Variants in XPO6 observed in about 807,000 individuals in gnomAD.
XPO6 encodes exportin-6.
Under a neutral mutation model 130.0 loss-of-function variants are expected in XPO6, and 3 were observed. The ratio of observed to expected loss-of-function variants is 0.02; its 90% CI spans 0.01 to 0.06. The LOEUF (loss-of-function observed/expected upper bound fraction) is 0.06, where lower values mean the gene tolerates loss of function less well. Among genes scored for constraint, XPO6 ranks in the 10% least tolerant of loss-of-function variants. The pLI, the probability that XPO6 is intolerant of heterozygous loss-of-function variation, is 1.00. For missense variants in XPO6, 970 were observed against 1,393.0 expected (o/e 0.70, Z 4.83); for synonymous variants, 524 against 548.9 (o/e 0.95, Z 0.63).
At chr16:28,152,436 G>A (rs2043111695) in intron 8 of XPO6, among the ~76,000 whole-genome samples, 1 of 152,210 alleles carries the variant, frequency 6.6e-6, no homozygotes, top group Non-Finnish European at 1.5e-5. Flanking sequence ...CTCTAAGCAA[G>A]TTACTCTTTG....
At chr16:28,115,422 G>T (rs2141254125) in intron 15 of XPO6, among the ~76,000 whole-genome samples, 1 of 152,274 alleles carries the variant, frequency 6.6e-6, no homozygotes, top group Non-Finnish European at 1.5e-5. Context: ...TGAGTCCTTA[G>T]GTAACCAGGT....
chr16:28,116,436 C>T (rs868116919), intron 15 of XPO6, among the ~76,000 whole-genome samples: 7 of 149,398 alleles, frequency 4.7e-5, no homozygotes, highest in Non-Finnish European at 7.4e-5. Context: ...CACTCCAGCC[C>T]GGGCGACAGA....
At chr16:28,175,821 C>A (rs761181265) in intron 4 of XPO6, 77 bp downstream of exon 4, 35 of 1,365,018 alleles carry the variant, frequency 2.6e-5, no homozygotes, top group Non-Finnish European at 3.1e-5. Flanking sequence ...TCTTAAAAGT[C>A]CTCTTCAGGA....
At chr16:28,133,638 C>A (rs2042718888) in intron 11 of XPO6, among the ~76,000 whole-genome samples, 1 of 152,102 alleles carries the variant, frequency 6.6e-6, no homozygotes, top group Non-Finnish European at 1.5e-5. Context: ...CAAGACTAAA[C>A]AAGGTTCCAA....
At chr16:28,177,712 C>T (rs1328999152) in intron 2 of XPO6, among the ~76,000 whole-genome samples, 2 of 152,178 alleles carry the variant, frequency 1.3e-5, no homozygotes, top group African/African-American at 2.4e-5. Context: ...TCTAGGGCCT[C>T]GCCATTCCTC....
intron 5 of XPO6, among the ~76,000 whole-genome samples, chr16:28,168,615 TTA>T (rs2043396827): frequency 6.6e-6 from 1 of 151,238 alleles, no homozygotes; most frequent in African/African-American, 2.4e-5. Context: ...TTTTTTTTTT[TTA>T]AAGAGACAGG....
At chr16:28,193,051 T>C (rs1416635963) in intron 1 of XPO6, among the ~76,000 whole-genome samples, 2 of 152,138 alleles carry the variant, frequency 1.3e-5, no homozygotes, top group African/African-American at 4.8e-5. Context: ...TCACTGTAAG[T>C]TCTTCTTACG....
intron 1 of XPO6, among the ~76,000 whole-genome samples, chr16:28,199,136 G>A (rs900247627): frequency 3.9e-5 from 6 of 152,008 alleles, no homozygotes; most frequent in African/African-American, 7.2e-5. Context: ...GTGAAACTCC[G>A]TCTCAAAAAA....
At chr16:28,125,189 C>T (rs990393908) in intron 13 of XPO6, among the ~76,000 whole-genome samples, 8 of 152,136 alleles carry the variant, frequency 5.3e-5, no homozygotes, top group African/African-American at 1.9e-4. Flanking sequence ...CTTTCACTCC[C>T]GAGGCCCTAA....
chr16:28,143,675 C>T (rs893839061), intron 9 of XPO6, among the ~76,000 whole-genome samples: 2 of 152,150 alleles, frequency 1.3e-5, no homozygotes, highest in Admixed American at 6.6e-5. Context: ...CTCATTCTGT[C>T]GCCTAGGCTG....
chr16:28,119,247 G>A (rs1246128475), intron 14 of XPO6, among the ~76,000 whole-genome samples: 2 of 149,044 alleles, frequency 1.3e-5, no homozygotes, highest in Non-Finnish European at 3.0e-5. Context: ...TCAAACTCCT[G>A]GGCTCAAGCG....
intron 1 of XPO6, among the ~76,000 whole-genome samples, chr16:28,196,283 T>A (rs1280437387): frequency 1.3e-5 from 2 of 152,220 alleles, no homozygotes; most frequent in Non-Finnish European, 2.9e-5. Flanking sequence ...TTTTACTTAA[T>A]CTATGTCATC....
chr16:28,099,067 A>T (rs546366369), intron 23 of XPO6, among the ~76,000 whole-genome samples: 56 of 152,302 alleles, frequency 3.7e-4, no homozygotes, highest in African/African-American at 1.2e-3. Flanking sequence ...CTGTGGTGAC[A>T]GCCCTCTTCT....
intron 1 of XPO6, among the ~76,000 whole-genome samples, chr16:28,207,816 CAG>C (rs2044057706): frequency 1.3e-5 from 2 of 152,178 alleles, no homozygotes; most frequent in Admixed American, 1.3e-4. Context: ...TGGAACCTAG[CAG>C]AGTTGGTGGG....
chr16:28,156,637 A>T, intron 6 of XPO6, 110 bp from the exon 7 acceptor site: 2 of 626,300 alleles, frequency 3.2e-6, no homozygotes, highest in Non-Finnish European at 4.8e-6. Context: ...TATATGTATC[A>T]GTTTAGTTAC....
At position 28,137,113 on chromosome 16, in the gene XPO6, T is replaced by C. The variant is rs1302567331; in HGVS notation, c.1335-1789A>G. ...CAGCTTCATTCCACATTCCCAGAAC[T>C]AGTATCGTGCACCCTCAGAGGTGGA... On this transcript the variant is annotated intron_variant, in intron 9 of 23. Coordinates refer to ENST00000304658, the MANE Select transcript of XPO6 (RefSeq NM_015171.4). Among the ~76,000 whole-genome samples the C allele has an allele frequency of 3.3e-5, 5 of 152,206 alleles. No individual in the cohort carries two copies. The East Asian group carries it at 9.6e-4, about 29-fold the overall frequency.
intron 6 of XPO6, among the ~76,000 whole-genome samples, chr16:28,163,469 C>T (rs1277028892): frequency 6.6e-6 from 1 of 152,224 alleles, no homozygotes; most frequent in African/African-American, 2.4e-5. Flanking sequence ...CTCAGAATTG[C>T]TGTAGTCACA....
intron 23 of XPO6, among the ~76,000 whole-genome samples, chr16:28,100,009 A>G (rs574390289): frequency 1.5e-4 from 23 of 151,578 alleles, no homozygotes; most frequent in African/African-American, 5.3e-4. Context: ...TTTTTTTGAG[A>G]CAAAGTCCCA....
chr16:28,204,030 C>G (rs942785622), intron 1 of XPO6, among the ~76,000 whole-genome samples: 6 of 152,124 alleles, frequency 3.9e-5, no homozygotes, highest in African/African-American at 1.2e-4. Context: ...CTGAAACTTC[C>G]AAACTTCTGA....
Sources: allele counts gnomAD v4.1 joint callset (sites outside exome capture counted in the v4.1 genomes callset), GRCh38; gene constraint gnomAD v4.1.1; transcripts MANE v1.5; gene names NCBI Gene and HGNC (gene_info 2026-07-23, HGNC 2026-07-21).